The following UTP4 variants were observed in gnomAD, a reference collection of about 807,000 sequenced individuals.
The protein encoded by UTP4 is U3 small nucleolar RNA-associated protein 4 homolog.
Under a neutral mutation model 82.4 loss-of-function variants are expected in UTP4, and 45 were observed. The observed-to-expected ratio is 0.55, with a 90% confidence interval of 0.43 to 0.70. The LOEUF (loss-of-function observed/expected upper bound fraction) is 0.70. Among genes scored for constraint, UTP4 ranks in the 30% least tolerant of loss-of-function variants. UTP4 has a pLI of 0.00. For missense variants in UTP4, 819 were observed against 858.3 expected, an observed-to-expected ratio of 0.95 and a Z score of 0.57; for synonymous variants, 348 against 300.3, an observed-to-expected ratio of 1.16 and a Z score of -1.64.
chr16:69,151,239 T>A lies in UTP4; in HGVS notation c.1002+335T>A, dbSNP rs574499787. ...CAGGCTGATCTCGGAACTCCCAACC[T>A]CAGGTGATCTGCCCGCCTCAGCCTC... On this transcript the variant is annotated intron_variant, in intron 8 of 16. Coordinates refer to ENST00000314423, the MANE Select transcript of UTP4 (RefSeq NM_032830.3). Among the ~76,000 whole-genome samples, 11 of 152,040 alleles carry A rather than the reference T, an allele frequency of 7.2e-5. No individual in the cohort carries two copies. In the South Asian group the frequency reaches 2.1e-3, roughly 29 times the overall value.
intron 14 of UTP4, among the ~76,000 whole-genome samples, chr16:69,164,603 T>C (rs1045635775): frequency 2.6e-4 from 38 of 144,392 alleles, no homozygotes; most frequent in African/African-American, 9.7e-4. Flanking sequence ...TATATATATA[T>C]ATATATATAT....
rs1206733131 is a variant in UTP4 at position 69,166,943 on chromosome 16, C to T, written c.1834-132C>T. On this transcript the variant is annotated intron_variant, in intron 15 of 16. Coordinates refer to ENST00000314423, the MANE Select transcript of UTP4 (RefSeq NM_032830.3). ...GGCTACAGCTGTTTTCCCGAATTAA[C>T]GAATGTCAGGGAGGTACTGAATATA... The T allele has an allele frequency of 5.9e-6, 4 of 681,882 alleles. 1 individual carries two copies. Among genetic ancestry groups the T allele is most frequent in the Middle Eastern group, 5.1e-4 (2 of 3,906 alleles). The allele number at this position is 681,882 out of a possible 1,614,324, so 42.2% of individuals were successfully genotyped here.
rs376020957 is a variant in UTP4 at position 69,143,183 on chromosome 16, G to A, written c.532G>A (p.Ala178Thr). 70 of 1,614,056 alleles carry A rather than the reference G, an allele frequency of 4.3e-5. No homozygotes were observed. The highest frequency in any genetic ancestry group is 2.1e-4 in the African/African-American group (16 of 75,050). ...GTGCTTTTCTGATTTTTCAGGCAGC[G>A]CTGTTCATAAGATGATTGTGGACAG... ...ISVFDVKSGS[A>T]VHKMIVDRQY... The change falls in exon 6 of 17, where the codon GCT (alanine) becomes ACT (threonine). Residue 178 changes from alanine to threonine, a missense_variant. Ala to Thr is a moderately conservative substitution (Grantham distance 58). Coordinates refer to ENST00000314423, the MANE Select transcript of UTP4 (RefSeq NM_032830.3).
intron 2 of UTP4, among the ~76,000 whole-genome samples, chr16:69,136,267 G>A (rs1342690728): frequency 1.3e-5 from 2 of 152,174 alleles, no homozygotes; most frequent in African/African-American, 2.4e-5. Flanking sequence ...AGTGGCTCAC[G>A]CCTATAATCC....
At chr16:69,134,974 C>T (rs187746844) in intron 2 of UTP4, among the ~76,000 whole-genome samples, 3 of 151,448 alleles carry the variant, frequency 2.0e-5, no homozygotes, top group Admixed American at 2.0e-4. Context: ...GGTGTGAGCC[C>T]TCATACCAGA....
At chr16:69,155,223 G>C (rs1963379456) in intron 10 of UTP4, among the ~76,000 whole-genome samples, 1 of 152,068 alleles carries the variant, frequency 6.6e-6, no homozygotes, top group Non-Finnish European at 1.5e-5. Flanking sequence ...ATCCAGGCTG[G>C]AGAGCAGTGG....
At chr16:69,151,625 CT>C (rs35834911) in intron 8 of UTP4, among the ~76,000 whole-genome samples, 39,921 of 145,020 alleles carry the variant, frequency 0.28, 5,788 homozygotes, top group African/African-American at 0.4. Context: ...CAGCCCCTGC[CT>C]TTTTTTTTTT....
intron 14 of UTP4, among the ~76,000 whole-genome samples, chr16:69,163,551 A>G (rs1363435927): frequency 6.6e-6 from 1 of 152,134 alleles, no homozygotes; most frequent in Non-Finnish European, 1.5e-5. Context: ...AGATTGTATC[A>G]TTCACCTTTA....
chr16:69,137,551 G>A (rs1962841176), intron 3 of UTP4, among the ~76,000 whole-genome samples: 1 of 152,086 alleles, frequency 6.6e-6, no homozygotes, highest in Admixed American at 6.6e-5. Flanking sequence ...AGAGGAATGG[G>A]GCCACTAATT....
intron 13 of UTP4, among the ~76,000 whole-genome samples, chr16:69,161,123 G>C (rs1963552585): frequency 6.6e-6 from 1 of 152,176 alleles, no homozygotes; most frequent in Admixed American, 6.5e-5. Flanking sequence ...AATAGTTGCA[G>C]ATAATAAGAG....
intron 10 of UTP4, among the ~76,000 whole-genome samples, chr16:69,155,367 T>C (rs1205907284): frequency 6.6e-6 from 1 of 151,954 alleles, no homozygotes; most frequent in Non-Finnish European, 1.5e-5. Flanking sequence ...GGTTTCACCA[T>C]GTTGTCCAGA....
rs753494696 is a variant in UTP4, at chr16:69,154,345, A to G, written c.1100-48A>G. 6 of 1,429,954 alleles carry G rather than the reference A, an allele frequency of 4.2e-6. No individual in the cohort carries two copies. The East Asian group carries it at 1.4e-4, about 33-fold the overall frequency. The allele number at this position is 1,429,954 out of a possible 1,614,324, so 88.6% of individuals were successfully genotyped here. ...AACTTTTTAGAAGAAAAATGTACAAATACTCTTTCTTTCATAAGAAAAATC... is the reference window on the plus strand; with the variant it reads ...AACTTTTTAGAAGAAAAATGTACAAGTACTCTTTCTTTCATAAGAAAAATC... On this transcript the variant is annotated intron_variant, in intron 9 of 16. Coordinates refer to ENST00000314423, the MANE Select transcript of UTP4 (RefSeq NM_032830.3).
chr16:69,163,281 G>C, intron 14 of UTP4, 103 bp downstream of exon 14: 1 of 934,298 alleles, frequency 1.1e-6, no homozygotes, highest in South Asian at 1.3e-5. Flanking sequence ...AGGTGTTGGA[G>C]GATATAAGGT....
intron 9 of UTP4, 109 bp downstream of exon 9, chr16:69,153,789 C>T: frequency 2.6e-6 from 2 of 762,878 alleles, no homozygotes; most frequent in Non-Finnish European, 2.3e-6. Flanking sequence ...ACTTTTGTGT[C>T]CATTTTAACT....
At chr16:69,147,926 C>T (rs1963160788) in intron 6 of UTP4, among the ~76,000 whole-genome samples, 1 of 151,932 alleles carries the variant, frequency 6.6e-6, no homozygotes. Context: ...GCCACCACGC[C>T]TGTCTAATTT....
intron 14 of UTP4, among the ~76,000 whole-genome samples, chr16:69,164,479 A>G (rs1963645676): frequency 6.6e-6 from 1 of 151,824 alleles, no homozygotes; most frequent in South Asian, 2.1e-4. Context: ...GTACTCTCAC[A>G]CATTGTGTAA....
chr16:69,164,917 A>C (rs1963661559), intron 14 of UTP4, among the ~76,000 whole-genome samples: 1 of 151,914 alleles, frequency 6.6e-6, no homozygotes, highest in Admixed American at 6.6e-5. Context: ...AAAGATGGGC[A>C]GGGCGCGGTG....
At chr16:69,134,634 C>T (rs563806261) in intron 2 of UTP4, among the ~76,000 whole-genome samples, 1 of 151,034 alleles carries the variant, frequency 6.6e-6, no homozygotes, top group East Asian at 2.0e-4. Flanking sequence ...GGGTTACATT[C>T]TGTGGTATGA....
At chr16:69,138,934 C>T (rs1481117252) in intron 4 of UTP4, 3 of 137,254 alleles carry the variant, frequency 2.2e-5, no homozygotes, top group African/African-American at 8.1e-5. Context: ...ATTCTTGCTT[C>T]GTTTTTAATA....
Sources: allele counts gnomAD v4.1 joint callset (sites outside exome capture counted in the v4.1 genomes callset), GRCh38; gene constraint gnomAD v4.1.1; transcripts MANE v1.5; gene names NCBI Gene and HGNC (gene_info 2026-07-23, HGNC 2026-07-21).